ASTN2: variants seen among roughly 807,000 people sequenced by gnomAD.
ASTN2 encodes astrotactin 2.
Under a neutral mutation model 139.8 loss-of-function variants are expected in ASTN2, and 54 were observed. The ratio of observed to expected loss-of-function variants is 0.39; its 90% CI spans 0.31 to 0.48. The LOEUF (loss-of-function observed/expected upper bound fraction) is 0.48. ASTN2 is among the 20% of genes least tolerant of loss of function. The probability of loss-of-function intolerance (pLI) is 0.95; values close to 1 mark genes in which losing one functional copy is unlikely to be tolerated. For missense variants in ASTN2, 1,565 were observed against 1,725.1 expected (o/e 0.91, Z 1.64); for synonymous variants, 756 against 719.5 (o/e 1.05, Z -0.81).
chr9:116,640,474 C>A (rs1178157502), intron 17 of ASTN2, among the ~76,000 whole-genome samples: 1 of 152,124 alleles, frequency 6.6e-6, no homozygotes, highest in Non-Finnish European at 1.5e-5. Context: ...CCTTGGCAAT[C>A]TGATAAATCA....
At chr9:116,743,596 C>G (rs995312568) in intron 13 of ASTN2, among the ~76,000 whole-genome samples, 15 of 152,072 alleles carry the variant, frequency 9.9e-5, no homozygotes, top group Middle Eastern at 3.4e-3. Context: ...ACTGAAACCT[C>G]CATCTCCCGG....
Position 116,860,086 on chromosome 9 carries a change from A to T in ASTN2, c.2040+3497T>A, listed in dbSNP as rs532172438. 9.9e-5 allele frequency among the ~76,000 whole-genome samples: 15 copies of T among 152,212 alleles called. No homozygotes were observed. The East Asian group carries it at 2.5e-3, about 26-fold the overall frequency. ...GAGAGTGATGGACAAGGGCCAAGTGATGCAGCAGGTACCAGATTAAAAAGT... is the reference window on the plus strand; with the variant it reads ...GAGAGTGATGGACAAGGGCCAAGTGTTGCAGCAGGTACCAGATTAAAAAGT... On this transcript the variant is annotated intron_variant, in intron 11 of 22. Transcript: ENST00000313400.
chr9:117,073,442 G>GT (rs1828189451), intron 5 of ASTN2, among the ~76,000 whole-genome samples: 1 of 151,966 alleles, frequency 6.6e-6, no homozygotes, highest in Non-Finnish European at 1.5e-5. Context: ...GTCCAGGCAG[G>GT]GTTGTGAGAC....
chr9:117,010,680 CAG>C (rs1286050141), intron 6 of ASTN2, among the ~76,000 whole-genome samples: 2 of 113,566 alleles, frequency 1.8e-5, no homozygotes, highest in African/African-American at 5.0e-5. Flanking sequence ...AAAACAGACT[CAG>C]AGGCAGACAC....
intron 10 of ASTN2, among the ~76,000 whole-genome samples, chr9:116,964,240 T>C (rs2132507975): frequency 7.4e-6 from 1 of 135,550 alleles, no homozygotes; most frequent in Middle Eastern, 4.0e-3. Flanking sequence ...TGTGTGTGTG[T>C]GTGTGTGTGT....
chr9:116,974,024 A>G (rs1477613725), intron 10 of ASTN2, among the ~76,000 whole-genome samples: 1 of 152,168 alleles, frequency 6.6e-6, no homozygotes, highest in Non-Finnish European at 1.5e-5. Flanking sequence ...ATTTAGAATG[A>G]CCCAAAGGCA....
At chr9:116,686,667 A>G in intron 16 of ASTN2, 2 of 1,548,070 alleles carry the variant, frequency 1.3e-6, no homozygotes, top group Middle Eastern at 1.8e-4. Context: ...CACCCGAGCA[A>G]AACTACACTT....
chr9:117,045,935 G>A (rs1056716182), intron 5 of ASTN2, among the ~76,000 whole-genome samples: 1 of 151,808 alleles, frequency 6.6e-6, no homozygotes, highest in Non-Finnish European at 1.5e-5. Flanking sequence ...CACTTAGGAT[G>A]GGGAAAGAGG....
rs1032553302 is a variant in ASTN2 at position 116,424,447 on chromosome 9, T to C, written c.*1404A>G. ...CAAGCTTCTTGCCCAAAGCTTCCAA[T>C]GCCTTGCCAAGCTCCCAGCCTCACC... On this transcript the variant is annotated 3_prime_UTR_variant, in exon 23 of 23. Transcript: ENST00000313400. 2.6e-5 allele frequency among the ~76,000 whole-genome samples: 4 copies of C among 152,214 alleles called. No homozygotes were observed. Among genetic ancestry groups the C allele is most frequent in the Non-Finnish European group, 5.9e-5 (4 of 68,026 alleles).
intron 5 of ASTN2, among the ~76,000 whole-genome samples, chr9:117,078,279 G>A (rs1828332869): frequency 6.6e-6 from 1 of 152,164 alleles, no homozygotes; most frequent in South Asian, 2.1e-4. Flanking sequence ...AAAATAAGTT[G>A]TTATTTTTTG....
chr9:117,388,378 T>C (rs1430644819), intron 1 of ASTN2, among the ~76,000 whole-genome samples: 1 of 152,120 alleles, frequency 6.6e-6, no homozygotes, highest in Non-Finnish European at 1.5e-5. Flanking sequence ...AATGAGACTC[T>C]CCCAAGAATT....
At chr9:116,432,754 GC>G (rs1371540834) in intron 22 of ASTN2, among the ~76,000 whole-genome samples, 1 of 152,030 alleles carries the variant, frequency 6.6e-6, no homozygotes, top group Non-Finnish European at 1.5e-5. Flanking sequence ...ACACGGTGAA[GC>G]CCCGTCTCTA....
intron 19 of ASTN2, 135 bp downstream of exon 19, chr9:116,618,189 C>G: frequency 1.0e-6 from 1 of 981,738 alleles, no homozygotes; most frequent in East Asian, 2.7e-5. Context: ...GGATGGACAG[C>G]GAAAAATCAC....
chr9:116,646,302 A>G (rs998157303), intron 17 of ASTN2, among the ~76,000 whole-genome samples: 1 of 151,952 alleles, frequency 6.6e-6, no homozygotes. Context: ...AAAGTCCCAG[A>G]AAGAGAAAAG....
chr9:116,472,852 G>A (rs1184402880), intron 20 of ASTN2, among the ~76,000 whole-genome samples: 3 of 151,862 alleles, frequency 2.0e-5, no homozygotes, highest in Admixed American at 6.6e-5. Flanking sequence ...GCTTGAACCC[G>A]GGAGGTGGAG....
At chr9:116,769,027 A>C (rs1829888097) in intron 13 of ASTN2, among the ~76,000 whole-genome samples, 1 of 152,226 alleles carries the variant, frequency 6.6e-6, no homozygotes, top group African/African-American at 2.4e-5. Flanking sequence ...ACTATAAAGA[A>C]AGACCCAGGC....
At chr9:116,528,431 G>A (rs1352768898) in intron 19 of ASTN2, among the ~76,000 whole-genome samples, 1 of 152,178 alleles carries the variant, frequency 6.6e-6, no homozygotes, top group Non-Finnish European at 1.5e-5. Flanking sequence ...ACAGTCATAT[G>A]TGTTCACAAA....
chr9:116,758,964 G>A (rs1829603145), intron 13 of ASTN2, among the ~76,000 whole-genome samples: 1 of 152,128 alleles, frequency 6.6e-6, no homozygotes, highest in African/African-American at 2.4e-5. Flanking sequence ...TGCTATCATG[G>A]CTCACTGTAA....
chr9:116,438,293 G>A (rs1847722429), intron 22 of ASTN2, among the ~76,000 whole-genome samples: 1 of 152,160 alleles, frequency 6.6e-6, no homozygotes, highest in Admixed American at 6.5e-5. Flanking sequence ...TTAATGGTCT[G>A]ATAATATTAC....
Sources: allele counts gnomAD v4.1 joint callset (sites outside exome capture counted in the v4.1 genomes callset), GRCh38; gene constraint gnomAD v4.1.1; transcripts MANE v1.5; gene names NCBI Gene and HGNC (gene_info 2026-07-23, HGNC 2026-07-21).